CEMIP2: variants seen among roughly 807,000 people sequenced by gnomAD.
CEMIP2 encodes cell migration inducing hyaluronidase 2.
A neutral mutation model predicts 146.9 loss-of-function variants in CEMIP2; 79 were observed. That is an observed-to-expected ratio of 0.54 (90% confidence interval 0.45 to 0.65). The LOEUF (loss-of-function observed/expected upper bound fraction) is 0.65. Ranked by LOEUF, CEMIP2 falls within the 30% of genes least tolerant of loss-of-function variation. The probability of loss-of-function intolerance (pLI) is 0.00; values close to 1 mark genes in which losing one functional copy is unlikely to be tolerated. For synonymous variants in CEMIP2, 601 were observed against 606.3 expected (o/e 0.99, Z 0.13); for missense variants, 1,596 against 1,696.2 (o/e 0.94, Z 1.04).
chr9:71,716,611 A>G (rs1475473675), intron 13 of CEMIP2, 59 bp from the exon 14 acceptor site: 35 of 1,338,174 alleles, frequency 2.6e-5, no homozygotes. Flanking sequence ...AAAAAGAGGT[A>G]ATTCTCTCAA....
Position 71,690,141 on chromosome 9 carries a change from C to A in CEMIP2, c.3802G>T (p.Ala1268Ser), listed in dbSNP as rs1432360352. ...RLTEKTVFPL[A>S]DVSRIEEYLK... ...TACTCTTCAATGCGACTGACATCAG[C>A]AAGAGGAAAAACCGTTTTTTCCGTC... The change falls in exon 22 of 24, where the codon GCT becomes TCT. Residue 1268 changes from alanine to serine, a missense_variant. Ala to Ser is a moderately conservative substitution (Grantham distance 99, BLOSUM62 1). Coordinates refer to ENST00000377044, the MANE Select transcript of CEMIP2 (RefSeq NM_013390.3). The A allele has an allele frequency of 3.7e-6, 6 of 1,614,120 alleles. No homozygotes were observed. Among genetic ancestry groups the A allele is most frequent in the Non-Finnish European group, 5.1e-6 (6 of 1,180,012 alleles).
intron 23 of CEMIP2, 63 bp from the exon 24 acceptor site, chr9:71,685,456 G>T: frequency 7.2e-7 from 1 of 1,380,694 alleles, no homozygotes; most frequent in South Asian, 1.7e-5. Flanking sequence ...ATTCCAGCAA[G>T]AGAATATAGG....
At chr9:71,717,848 C>T in intron 13 of CEMIP2, 100 bp downstream of exon 13, 1 of 1,147,512 alleles carries the variant, frequency 8.7e-7, no homozygotes, top group Non-Finnish European at 1.2e-6. Context: ...TAATATGATT[C>T]CAAGAATCAT....
chr9:71,743,499 T>C (rs1005251602), intron 4 of CEMIP2, among the ~76,000 whole-genome samples: 2 of 152,220 alleles, frequency 1.3e-5, no homozygotes, highest in African/African-American at 4.8e-5. Context: ...GAAAAAGCTT[T>C]CTTCTCCACT....
intron 16 of CEMIP2, among the ~76,000 whole-genome samples, chr9:71,710,464 GA>G (rs1822874129): frequency 6.6e-6 from 1 of 152,182 alleles, no homozygotes; most frequent in Non-Finnish European, 1.5e-5. Flanking sequence ...TTAAATCTGA[GA>G]AAAGCTTAGA....
chr9:71,713,229 C>T (rs952018458), intron 15 of CEMIP2, among the ~76,000 whole-genome samples: 1 of 152,052 alleles, frequency 6.6e-6, no homozygotes, highest in Non-Finnish European at 1.5e-5. Context: ...GGGTCTTCTC[C>T]GTGCTGTTCT....
chr9:71,725,788 C>A, intron 10 of CEMIP2, 79 bp from the exon 11 acceptor site: 1 of 1,453,532 alleles, frequency 6.9e-7, no homozygotes, highest in Non-Finnish European at 9.2e-7. Context: ...CTAACTTCTT[C>A]ATCAGCAAGT....
At chr9:71,685,910 G>A in intron 22 of CEMIP2, 64 bp from the exon 23 acceptor site, 3 of 1,175,474 alleles carry the variant, frequency 2.6e-6, no homozygotes, top group Non-Finnish European at 3.8e-6. Flanking sequence ...TCTTTCTACT[G>A]AGTATCTTTC....
intron 10 of CEMIP2, among the ~76,000 whole-genome samples, chr9:71,727,291 C>T (rs1823414713): frequency 1.3e-5 from 2 of 152,180 alleles, no homozygotes; most frequent in African/African-American, 4.8e-5. Context: ...ACTGTTGACG[C>T]ATAATGTTAC....
At chr9:71,765,693 C>T (rs1824769910) in intron 1 of CEMIP2, among the ~76,000 whole-genome samples, 1 of 152,198 alleles carries the variant, frequency 6.6e-6, no homozygotes, top group Non-Finnish European at 1.5e-5. Context: ...CCCAGACATG[C>T]ACTTATTGGA....
chr9:71,734,727 T>A, intron 6 of CEMIP2, 79 bp downstream of exon 6: 1 of 1,359,520 alleles, frequency 7.4e-7, no homozygotes, highest in Non-Finnish European at 1.0e-6. Flanking sequence ...TGGTAGTGAC[T>A]GAGAGGAAAA....
chr9:71,728,294 T>C lies in CEMIP2; in HGVS notation c.2049+1551A>G, dbSNP rs1439865856. 1.7e-4 allele frequency among the ~76,000 whole-genome samples: 8 copies of C among 46,540 alleles called. 1 individual carries two copies. Among genetic ancestry groups the C allele is most frequent in the East Asian group, 7.3e-4 (1 of 1,378 alleles). 30.5% of individuals were successfully genotyped at this position (46,540 alleles called of 152,430 possible). A position where few individuals can be genotyped will look rare whatever the true frequency, so the allele number is the denominator to read the frequency against. ...ATATATATATATGTATATATATATA[T>C]ATATATACATATATATATATATACG... On this transcript the variant is annotated intron_variant, in intron 10 of 23. Transcript: ENST00000377044.
intron 1 of CEMIP2, among the ~76,000 whole-genome samples, chr9:71,751,767 C>A (rs1365549299): frequency 6.6e-6 from 1 of 152,104 alleles, no homozygotes; most frequent in East Asian, 1.9e-4. Context: ...CCCAAAGTTG[C>A]CCTAAAAGTT....
chr9:71,745,311 C>T lies in CEMIP2; in HGVS notation c.741G>A (p.Leu247=), dbSNP rs1479207809. The T allele has an allele frequency of 2.5e-6, 4 of 1,613,600 alleles. No individual in the cohort carries two copies. Among genetic ancestry groups the T allele is most frequent in the Non-Finnish European group, 3.4e-6 (4 of 1,179,638 alleles). ...KASWTLLART[L]NSSGLPFGSY... is the part of the protein sequence containing the mutation. The stretch of plus-strand genomic sequence containing the variant: ...ACCCAAAGGGCAAGCCTGAGGAATT[C>T]AGGGTCCTTGCCAACAACGTCCACG... Residue 247 remains leucine (L), a synonymous_variant, in exon 4 of 24, where the codon CTG becomes CTA. Coordinates refer to ENST00000377044, the MANE Select transcript of CEMIP2 (RefSeq NM_013390.3).
In CEMIP2 at chr9:71,722,526, T is replaced by A; in HGVS notation, c.2179-11A>T. 1.3e-6 allele frequency: 2 copies of A among 1,595,732 alleles called. No homozygotes were observed. The highest frequency in any genetic ancestry group is 1.7e-6 in the Non-Finnish European group (2 of 1,164,374). ...AATAAATAAGCCAGCCTGAAAAATA[T>A]AAATAATGGACTGGAATGAATATGA... On this transcript the variant is annotated splice_polypyrimidine_tract_variant and intron_variant, in intron 11 of 23. Transcript: ENST00000377044.
At chr9:71,710,598 T>C (rs1450185807) in intron 16 of CEMIP2, among the ~76,000 whole-genome samples, 3 of 152,214 alleles carry the variant, frequency 2.0e-5, no homozygotes, top group African/African-American at 7.2e-5. Flanking sequence ...CAATATGGAT[T>C]GTATTATGCT....
At chr9:71,722,195 T>C (rs934255178) in intron 12 of CEMIP2, among the ~76,000 whole-genome samples, 2 of 152,196 alleles carry the variant, frequency 1.3e-5, no homozygotes, top group Non-Finnish European at 2.9e-5. Context: ...TAGCATCTAT[T>C]TATAGCAATG....
chr9:71,686,697 C>T (rs1170320636), intron 22 of CEMIP2: 1 of 152,052 alleles, frequency 6.6e-6, no homozygotes, highest in East Asian at 1.9e-4. Flanking sequence ...GGCACAAGTG[C>T]AATTTCATTA....
intron 12 of CEMIP2, among the ~76,000 whole-genome samples, chr9:71,719,651 A>C (rs1357731824): frequency 6.6e-6 from 1 of 152,062 alleles, no homozygotes; most frequent in African/African-American, 2.4e-5. Flanking sequence ...AGAGTGTCAT[A>C]TCCATCTTTA....
Sources: allele counts gnomAD v4.1 joint callset (sites outside exome capture counted in the v4.1 genomes callset), GRCh38; gene constraint gnomAD v4.1.1; transcripts MANE v1.5; gene names NCBI Gene and HGNC (gene_info 2026-07-23, HGNC 2026-07-21).